The following RFX7 variants were observed in gnomAD, a reference collection of about 807,000 sequenced individuals.
RFX7 encodes the protein DNA-binding protein RFX7.
A neutral mutation model predicts 111.8 loss-of-function variants in RFX7; 26 were observed. The observed-to-expected ratio is 0.23, with a 90% CI of 0.17 to 0.32. The LOEUF (loss-of-function observed/expected upper bound fraction) is 0.32, where lower values mean the gene tolerates loss of function less well. Ranked by LOEUF, RFX7 falls within the 10% of genes least tolerant of loss-of-function variation. The pLI is 1.00. For synonymous variants in RFX7, 624 were observed against 624.4 expected (o/e 1.00, Z 0.01); for missense variants, 1,573 against 1,772.9 (o/e 0.89, Z 2.02).
At chr15:56,134,558 T>C (rs2042264788) in intron 5 of RFX7, among the ~76,000 whole-genome samples, 1 of 151,620 alleles carries the variant, frequency 6.6e-6, no homozygotes, top group African/African-American at 2.4e-5. Context: ...CCTTACCTAC[T>C]ACTGCCTTTT....
intron 5 of RFX7, among the ~76,000 whole-genome samples, chr15:56,140,571 G>A (rs548305012): frequency 5.3e-5 from 8 of 152,274 alleles, no homozygotes; most frequent in South Asian, 2.1e-4. Flanking sequence ...AGAAATCACC[G>A]TCTTCTGCGT....
chr15:56,159,978 T>C (rs991752118), intron 3 of RFX7, among the ~76,000 whole-genome samples: 1 of 152,216 alleles, frequency 6.6e-6, no homozygotes, highest in African/African-American at 2.4e-5. Context: ...CAAATGTTAA[T>C]GAAAAGTGAT....
chr15:56,215,580 T>A (rs1181065990), intron 2 of RFX7, among the ~76,000 whole-genome samples: 2 of 152,196 alleles, frequency 1.3e-5, no homozygotes, highest in African/African-American at 4.8e-5. Context: ...TATACACTTG[T>A]GGCTTCAATT....
intron 3 of RFX7, among the ~76,000 whole-genome samples, chr15:56,176,783 C>T (rs558995151): frequency 1.3e-5 from 2 of 152,084 alleles, no homozygotes; most frequent in South Asian, 4.2e-4. Context: ...TCCAAAAATG[C>T]CTTAAATCCA....
chr15:56,109,683 C>G lies in RFX7; in HGVS notation c.402-6013G>C, dbSNP rs1446084132. ...CGCCCATCGTCTGAGATGCGGGGAG[C>G]GCCTCTGCCCTGTCGCCCCGTCCGG... On this transcript the variant is annotated intron_variant, in intron 5 of 9. Coordinates refer to ENST00000559447, the MANE Select transcript of RFX7 (RefSeq NM_022841.7). Among the ~76,000 whole-genome samples the G allele has an allele frequency of 3.1e-4, 47 of 152,056 alleles. No individual in the cohort carries two copies. The Middle Eastern group carries it at 0.017, about 55-fold the overall frequency.
intron 3 of RFX7, among the ~76,000 whole-genome samples, chr15:56,164,661 A>C (rs532889825): frequency 6.6e-6 from 1 of 152,250 alleles, no homozygotes; most frequent in African/African-American, 2.4e-5. Context: ...GATTTTAACT[A>C]TGCTAAAATT....
intron 3 of RFX7, among the ~76,000 whole-genome samples, chr15:56,175,843 C>A (rs1300680015): frequency 6.6e-6 from 1 of 152,066 alleles, no homozygotes; most frequent in Non-Finnish European, 1.5e-5. Context: ...GCTGGCCAAT[C>A]CTCCCTACAA....
chr15:56,231,208 T>C lies in RFX7; in HGVS notation c.161+11917A>G, dbSNP rs1455866429. ...AAAGGACAAGGACACAGAACAGCTA[T>C]GTTGCTGCTGTAATAATCCAGGAAT... On this transcript the variant is annotated intron_variant, in intron 2 of 9. Transcript: ENST00000559447. Among the ~76,000 whole-genome samples, 6 of 152,170 alleles carry C rather than the reference T, an allele frequency of 3.9e-5. No individual in the cohort carries two copies. The South Asian group carries it at 8.3e-4, about 21-fold the overall frequency.
At chr15:56,132,213 G>C (rs1314410563) in intron 5 of RFX7, among the ~76,000 whole-genome samples, 8 of 151,880 alleles carry the variant, frequency 5.3e-5, no homozygotes, top group Admixed American at 5.2e-4. Context: ...TTTAAAATCA[G>C]AAAACTGATT....
intron 2 of RFX7, among the ~76,000 whole-genome samples, chr15:56,214,341 A>G (rs2141202222): frequency 6.6e-6 from 1 of 152,280 alleles, no homozygotes; most frequent in African/African-American, 2.4e-5. Flanking sequence ...AAAATCTGCG[A>G]TATTTATTTC....
At chr15:56,096,704 T>C in intron 9 of RFX7, 84 bp from the exon 10 acceptor site, 1 of 1,372,006 alleles carries the variant, frequency 7.3e-7, no homozygotes, top group Non-Finnish European at 9.6e-7. Context: ...TTTTAAGTCA[T>C]TTATTAAATG....
At chr15:56,153,040 A>G (rs1276993079) in intron 3 of RFX7, among the ~76,000 whole-genome samples, 1 of 152,226 alleles carries the variant, frequency 6.6e-6, no homozygotes, top group African/African-American at 2.4e-5. Context: ...TAGACCAATA[A>G]CAAGCTCTGA....
chr15:56,235,355 T>G (rs2141239578), intron 2 of RFX7, among the ~76,000 whole-genome samples: 1 of 152,254 alleles, frequency 6.6e-6, no homozygotes, highest in East Asian at 1.9e-4. Context: ...TTTATATTTT[T>G]AGTAGAGACG....
In RFX7 at chr15:56,090,556, AATTGTTTTTG is replaced by A. The variant is rs1242200994; in HGVS notation, c.*2779_*2788del. ...AGTCAGTTTAATATAAAATGTTTTT[AATTGTTTTTG>A]AAAACATTTAAAAAACAATTTTTGA... On this transcript the variant is annotated 3_prime_UTR_variant, in exon 10 of 10. Transcript: ENST00000559447. 2.0e-5 allele frequency: 3 copies of A among 152,712 alleles called. No individual in the cohort carries two copies. Among genetic ancestry groups the A allele is most frequent in the South Asian group, 4.1e-4 (2 of 4,822 alleles). 9.5% of individuals were successfully genotyped at this position (152,712 alleles called of 1,614,324 possible).
At chr15:56,226,115 A>T (rs1248289380) in intron 2 of RFX7, among the ~76,000 whole-genome samples, 1 of 152,098 alleles carries the variant, frequency 6.6e-6, no homozygotes, top group Admixed American at 6.6e-5. Flanking sequence ...GAGGTTCTGA[A>T]TTTTCCACTA....
At chr15:56,212,851 T>C (rs2043326551) in intron 2 of RFX7, among the ~76,000 whole-genome samples, 1 of 152,052 alleles carries the variant, frequency 6.6e-6, no homozygotes. Context: ...TGAAAAAATA[T>C]ATCACCAAAG....
intron 5 of RFX7, among the ~76,000 whole-genome samples, chr15:56,107,666 T>C (rs1309858563): frequency 1.3e-5 from 2 of 152,224 alleles, no homozygotes; most frequent in African/African-American, 2.4e-5. Flanking sequence ...AAACATATTT[T>C]ATAGATGAGG....
Position 56,119,579 on chromosome 15 carries a change from C to A in RFX7, c.402-15909G>T, listed in dbSNP as rs567983981. ...GTCAAATGGGGTCAGGAGTTCAAGA[C>A]CAGCCTGGCCAACATGGTGAAACCC... On this transcript the variant is annotated intron_variant, in intron 5 of 9. Coordinates refer to ENST00000559447, the MANE Select transcript of RFX7 (RefSeq NM_022841.7). Among the ~76,000 whole-genome samples, 9 of 151,962 alleles carry A rather than the reference C, an allele frequency of 5.9e-5. No homozygotes were observed. The South Asian group carries it at 1.9e-3, about 32-fold the overall frequency.
chr15:56,183,590 TA>T (rs2043000684), intron 2 of RFX7, among the ~76,000 whole-genome samples: 1 of 152,184 alleles, frequency 6.6e-6, no homozygotes, highest in Non-Finnish European at 1.5e-5. Context: ...ATCCCTAAGT[TA>T]ACACCACACT....
Sources: gnomAD v4.1 joint callset for allele counts (sites outside exome capture counted in the v4.1 genomes callset) on GRCh38, gnomAD v4.1.1 for gene constraint, MANE v1.5 for transcripts, NCBI Gene and HGNC (gene_info 2026-07-23, HGNC 2026-07-21) for gene names.